CNTN4: variants seen among roughly 807,000 people sequenced by gnomAD.
CNTN4 encodes contactin 4, also known as contactin-4.
In CNTN4, 77 loss-of-function variants were observed where a neutral mutation model predicts 122.5. The observed-to-expected ratio is 0.63, with a 90% CI of 0.52 to 0.76. CNTN4 has a LOEUF of 0.76. Ranked by LOEUF, CNTN4 falls within the 30% of genes least tolerant of loss-of-function variation. CNTN4 has a pLI of 0.00. For synonymous variants in CNTN4, 512 were observed against 447.0 expected (o/e 1.15, Z -1.83); for missense variants, 1,256 against 1,259.1 (o/e 1.00, Z 0.04).
chr3:2,314,867 T>C (rs12494019), intron 2 of CNTN4, among the ~76,000 whole-genome samples: 1,911 of 152,048 alleles, frequency 0.013, 125 homozygotes, highest in Admixed American at 0.12. Context: ...GAATAAGAAA[T>C]ACAGAGAGCT....
At chr3:2,514,721 T>A (rs1262883913) in intron 3 of CNTN4, among the ~76,000 whole-genome samples, 1 of 152,100 alleles carries the variant, frequency 6.6e-6, no homozygotes, top group Non-Finnish European at 1.5e-5. Flanking sequence ...CTGTGATCCT[T>A]CCGAGGTTAA....
intron 7 of CNTN4, among the ~76,000 whole-genome samples, chr3:2,856,655 G>A (rs759979938): frequency 6.6e-6 from 1 of 152,166 alleles, no homozygotes; most frequent in African/African-American, 2.4e-5. Flanking sequence ...AGCTACAAGC[G>A]ACCCCTGCAG....
At chr3:2,607,277 G>A (rs544146736) in intron 4 of CNTN4, among the ~76,000 whole-genome samples, 1 of 152,112 alleles carries the variant, frequency 6.6e-6, no homozygotes, top group Non-Finnish European at 1.5e-5. Context: ...ATCTAGCCAT[G>A]ATAATTCTAG....
At chr3:2,979,233 A>C (rs1319123827) in intron 13 of CNTN4, among the ~76,000 whole-genome samples, 1 of 152,042 alleles carries the variant, frequency 6.6e-6, no homozygotes, top group Non-Finnish European at 1.5e-5. Flanking sequence ...CTGGTGGGGG[A>C]AAGTTTCTTT....
At chr3:2,425,725 T>C (rs1047922496) in intron 3 of CNTN4, among the ~76,000 whole-genome samples, 3 of 152,350 alleles carry the variant, frequency 2.0e-5, no homozygotes, top group African/African-American at 7.2e-5. Flanking sequence ...CTTCCATTTC[T>C]GTCCTCTTTT....
At chr3:2,507,059 A>C (rs1351278262) in intron 3 of CNTN4, among the ~76,000 whole-genome samples, 1 of 152,174 alleles carries the variant, frequency 6.6e-6, no homozygotes, top group Admixed American at 6.5e-5. Flanking sequence ...AAACGTCTAA[A>C]ATAACTTCCA....
intron 7 of CNTN4, chr3:2,866,378 C>T: frequency 1.3e-6 from 1 of 766,214 alleles, no homozygotes; most frequent in Non-Finnish European, 1.6e-6. Flanking sequence ...GGGTGGCTTC[C>T]AGCATTACTA....
intron 10 of CNTN4, among the ~76,000 whole-genome samples, chr3:2,888,490 T>A (rs2094002684): frequency 6.6e-6 from 1 of 152,140 alleles, no homozygotes; most frequent in Non-Finnish European, 1.5e-5. Context: ...TTTCATGTCC[T>A]CTGGTCTACC....
In CNTN4 at chr3:2,961,103, G is replaced by A. The variant is rs377298991; in HGVS notation, c.1359-27242G>A. The stretch of plus-strand genomic sequence containing the variant: ...AAATTAGCCGGGCGTGGTGATGGGC[G>A]CCTGTAGTCCCAGCTACTCGGGAGG... On this transcript the variant is annotated intron_variant, in intron 13 of 24. Coordinates refer to ENST00000418658, the MANE Select transcript of CNTN4 (RefSeq NM_175607.3). Among the ~76,000 whole-genome samples, 170 of 142,584 alleles carry A rather than the reference G, an allele frequency of 1.2e-3. 11 individuals carry two copies. The South Asian group carries it at 0.036, about 30-fold the overall frequency. 93.5% of individuals were successfully genotyped at this position (142,584 alleles called of 152,430 possible).
chr3:2,615,120 A>G (rs538552425), intron 4 of CNTN4, among the ~76,000 whole-genome samples: 10 of 152,206 alleles, frequency 6.6e-5, no homozygotes, highest in African/African-American at 2.4e-4. Context: ...TTTGCACATC[A>G]CTGTTTTGGG....
At chr3:2,312,631 T>TA (rs951231950) in intron 2 of CNTN4, among the ~76,000 whole-genome samples, 8 of 151,864 alleles carry the variant, frequency 5.3e-5, no homozygotes, top group East Asian at 1.9e-4. Context: ...TTTCCAATAA[T>TA]AAAAAAAATG....
chr3:2,725,963 C>T (rs2088193031), intron 4 of CNTN4, among the ~76,000 whole-genome samples: 1 of 152,166 alleles, frequency 6.6e-6, no homozygotes, highest in African/African-American at 2.4e-5. Flanking sequence ...ATAACAACTG[C>T]AACTCAGATT....
At chr3:2,306,581 A>C (rs1387306403) in intron 2 of CNTN4, among the ~76,000 whole-genome samples, 2 of 152,018 alleles carry the variant, frequency 1.3e-5, no homozygotes, top group African/African-American at 2.4e-5. Context: ...GTTTTTTTTC[A>C]GGATGTTTCA....
intron 4 of CNTN4, among the ~76,000 whole-genome samples, chr3:2,625,259 C>A (rs1215394130): frequency 6.6e-6 from 1 of 152,262 alleles, no homozygotes; most frequent in Admixed American, 6.5e-5. Flanking sequence ...CAAGAGCAGA[C>A]TTCTGGGACC....
At chr3:2,610,272 A>G (rs2081425664) in intron 4 of CNTN4, among the ~76,000 whole-genome samples, 1 of 152,190 alleles carries the variant, frequency 6.6e-6, no homozygotes, top group Non-Finnish European at 1.5e-5. Context: ...AAAAAACTCA[A>G]AATGTGTAAG....
At chr3:2,743,784 T>C (rs951553002) in intron 5 of CNTN4, among the ~76,000 whole-genome samples, 1 of 152,060 alleles carries the variant, frequency 6.6e-6, no homozygotes, top group Non-Finnish European at 1.5e-5. Context: ...CCGTAGGAGA[T>C]TGGACAAAGC....
chr3:2,104,077 T>G (rs1303356702), intron 2 of CNTN4, among the ~76,000 whole-genome samples: 1 of 152,228 alleles, frequency 6.6e-6, no homozygotes, highest in East Asian at 1.9e-4. Flanking sequence ...TAGGTAGGCA[T>G]AAATACTGTA....
At chr3:2,536,057 T>C (rs1204003002) in intron 3 of CNTN4, among the ~76,000 whole-genome samples, 1 of 152,162 alleles carries the variant, frequency 6.6e-6, no homozygotes, top group Non-Finnish European at 1.5e-5. Context: ...AGACGGAAGA[T>C]CTGATTGCCA....
At chr3:2,701,071 T>C (rs544651496) in intron 4 of CNTN4, among the ~76,000 whole-genome samples, 22 of 152,212 alleles carry the variant, frequency 1.4e-4, no homozygotes, top group African/African-American at 1.9e-4. Context: ...TGATAAACTC[T>C]TATAATATTC....
Sources: allele counts gnomAD v4.1 joint callset (sites outside exome capture counted in the v4.1 genomes callset), GRCh38; gene constraint gnomAD v4.1.1; transcripts MANE v1.5; gene names NCBI Gene and HGNC (gene_info 2026-07-23, HGNC 2026-07-21).